The following SGCZ variants were observed in gnomAD, a reference collection of about 807,000 sequenced individuals.
SGCZ encodes sarcoglycan zeta.
In SGCZ, 40 loss-of-function variants were observed where a neutral mutation model predicts 41.3. That is an observed-to-expected ratio of 0.97 (90% CI 0.75 to 1.26). The LOEUF (loss-of-function observed/expected upper bound fraction) is 1.26, where lower values mean the gene tolerates loss of function less well. Ranked by LOEUF, SGCZ falls within the 50% of genes most tolerant of loss-of-function variation. SGCZ has a pLI of 0.00. For missense variants in SGCZ, 552 were observed against 369.8 expected (o/e 1.49, Z -4.04); for synonymous variants, 206 against 137.5 (o/e 1.50, Z -3.49).
intron 1 of SGCZ, among the ~76,000 whole-genome samples, chr8:14,568,623 T>C (rs1804456619): frequency 6.6e-6 from 1 of 152,154 alleles, no homozygotes; most frequent in Admixed American, 6.5e-5. Context: ...AACACAGAGC[T>C]AGGCACTCTG....
intron 1 of SGCZ, among the ~76,000 whole-genome samples, chr8:14,739,610 T>G: frequency 6.6e-6 from 1 of 152,064 alleles, no homozygotes; most frequent in East Asian, 1.9e-4. Flanking sequence ...TTAATGTAAA[T>G]TCTTCTTTGT....
At position 14,977,322 on chromosome 8, in the gene SGCZ, G is replaced by A. The variant is rs140119655; in HGVS notation, c.39+260263C>T. On this transcript the variant is annotated intron_variant, in intron 1 of 7. Transcript: ENST00000382080. ...GGAGAACAGAGCTTGGTCAAACAAA[G>A]GCACTAAATGAACATTTGCTTAATG... Among the ~76,000 whole-genome samples, 343 of 152,208 alleles carry A rather than the reference G, an allele frequency of 2.3e-3. 1 individual carries two copies. The highest frequency in any genetic ancestry group is 3.8e-3 in the Non-Finnish European group (258 of 68,012).
At chr8:14,599,581 C>A (rs372054722) in intron 1 of SGCZ, among the ~76,000 whole-genome samples, 3 of 152,152 alleles carry the variant, frequency 2.0e-5, no homozygotes, top group African/African-American at 7.2e-5. Context: ...CCTTCTTGTT[C>A]TCCTGGGAGA....
At chr8:14,845,769 T>C (rs1803079105) in intron 1 of SGCZ, among the ~76,000 whole-genome samples, 1 of 151,952 alleles carries the variant, frequency 6.6e-6, no homozygotes, top group Admixed American at 6.6e-5. Context: ...GGTGCAGTAA[T>C]AAAAATATCC....
intron 5 of SGCZ, among the ~76,000 whole-genome samples, chr8:14,136,995 T>C (rs1803219274): frequency 6.6e-6 from 1 of 152,214 alleles, no homozygotes; most frequent in Non-Finnish European, 1.5e-5. Flanking sequence ...CAATATTTGC[T>C]GTTCTGCAGC....
chr8:14,250,157 C>T (rs1248162693), intron 3 of SGCZ, among the ~76,000 whole-genome samples: 1 of 152,188 alleles, frequency 6.6e-6, no homozygotes, highest in Non-Finnish European at 1.5e-5. Flanking sequence ...AACAGCCCAG[C>T]TGAGGTGCAG....
intron 1 of SGCZ, among the ~76,000 whole-genome samples, chr8:15,206,699 G>A (rs886909131): frequency 2.0e-5 from 3 of 151,982 alleles, no homozygotes; most frequent in South Asian, 2.1e-4. Flanking sequence ...CACCCTCCTC[G>A]GCCTCCCAAA....
chr8:14,333,357 A>G (rs1802403223), intron 2 of SGCZ, among the ~76,000 whole-genome samples: 4 of 152,128 alleles, frequency 2.6e-5, no homozygotes, highest in Admixed American at 1.3e-4. Context: ...GTAATGGATT[A>G]ATAATAATGT....
chr8:14,401,998 T>C (rs1157715544), intron 2 of SGCZ, among the ~76,000 whole-genome samples: 1 of 152,098 alleles, frequency 6.6e-6, no homozygotes, highest in East Asian at 1.9e-4. Flanking sequence ...TGTGGGATGG[T>C]ATCTCATTGT....
At chr8:14,676,984 T>A (rs542504649) in intron 1 of SGCZ, among the ~76,000 whole-genome samples, 6 of 151,206 alleles carry the variant, frequency 4.0e-5, no homozygotes, top group South Asian at 2.1e-4. Flanking sequence ...AAGAAAAAAA[T>A]AAACAAGGAT....
intron 1 of SGCZ, among the ~76,000 whole-genome samples, chr8:14,714,774 T>C (rs1372713320): frequency 6.6e-6 from 1 of 152,150 alleles, no homozygotes; most frequent in Non-Finnish European, 1.5e-5. Context: ...AGCTATATAT[T>C]TAAGAACAAT....
intron 1 of SGCZ, among the ~76,000 whole-genome samples, chr8:14,851,194 G>T (rs1264110803): frequency 6.6e-6 from 1 of 151,508 alleles, no homozygotes; most frequent in African/African-American, 2.4e-5. Flanking sequence ...ATAGTGAAAC[G>T]CTGTCTTTAC....
rs554417381 is a variant in SGCZ at position 14,376,775 on chromosome 8, C to G, written c.235-52571G>C. Among the ~76,000 whole-genome samples, 3 of 152,158 alleles carry G rather than the reference C, an allele frequency of 2.0e-5. No homozygotes were observed. In the South Asian group the frequency reaches 6.2e-4, roughly 32 times the overall value. ...ACCTACAAATATCATGTCAAATGTC[C>G]TAGATAAAATTTTAGCTAGCAGAAT... is the stretch of plus-strand genomic sequence containing the variant. On this transcript the variant is annotated intron_variant, in intron 2 of 7. Transcript: ENST00000382080.
intron 2 of SGCZ, among the ~76,000 whole-genome samples, chr8:14,413,304 T>C (rs12542764): frequency 0.24 from 36,860 of 151,882 alleles, 4,648 homozygotes; most frequent in Non-Finnish European, 0.29. Flanking sequence ...ACACACGTTG[T>C]GTCAGCAATA....
intron 1 of SGCZ, among the ~76,000 whole-genome samples, chr8:14,848,991 A>G (rs1470445683): frequency 6.6e-6 from 1 of 152,180 alleles, no homozygotes; most frequent in East Asian, 1.9e-4. Context: ...TAAGAAAGCC[A>G]ACAATTTAAT....
intron 2 of SGCZ, among the ~76,000 whole-genome samples, chr8:14,502,652 G>A (rs1802188661): frequency 6.6e-6 from 1 of 152,078 alleles, no homozygotes; most frequent in Non-Finnish European, 1.5e-5. Context: ...AGAATAGAAA[G>A]ACACTTCTCA....
chr8:14,204,782 C>T (rs917416856), intron 4 of SGCZ, among the ~76,000 whole-genome samples: 1 of 149,692 alleles, frequency 6.7e-6, no homozygotes, highest in Non-Finnish European at 1.5e-5. Flanking sequence ...ACTTCAGGGT[C>T]CCTGGCCTTT....
At chr8:14,309,895 A>C (rs1801473852) in intron 3 of SGCZ, among the ~76,000 whole-genome samples, 1 of 152,018 alleles carries the variant, frequency 6.6e-6, no homozygotes, top group Non-Finnish European at 1.5e-5. Context: ...TCCCAATCAA[A>C]GAATATACAG....
intron 2 of SGCZ, among the ~76,000 whole-genome samples, chr8:14,502,268 G>C (rs1201303499): frequency 6.6e-6 from 1 of 151,986 alleles, no homozygotes; most frequent in Non-Finnish European, 1.5e-5. Flanking sequence ...TTACTCTCGA[G>C]ACTAAGATTC....
Sources: allele counts gnomAD v4.1 joint callset (sites outside exome capture counted in the v4.1 genomes callset), GRCh38; gene constraint gnomAD v4.1.1; transcripts MANE v1.5; gene names NCBI Gene and HGNC (gene_info 2026-07-23, HGNC 2026-07-21).